The following MYH7 variants were observed in gnomAD, a reference collection of about 807,000 sequenced individuals.
MYH7 encodes myosin-7.
In MYH7, 129 loss-of-function variants were observed where a neutral mutation model predicts 225.4. That is an observed-to-expected ratio of 0.57 (90% CI 0.50 to 0.66). The LOEUF is 0.66. MYH7 is among the 30% of genes least tolerant of loss of function. The probability of loss-of-function intolerance (pLI) is 0.00; values close to 1 mark genes in which losing one functional copy is unlikely to be tolerated. For missense variants in MYH7, 1,649 were observed against 2,517.0 expected (o/e 0.66, Z 7.38); for synonymous variants, 971 against 1,007.6 (o/e 0.96, Z 0.69).
intron 14 of MYH7, 75 bp downstream of exon 14, chr14:23,428,880 G>A: frequency 1.2e-6 from 2 of 1,609,334 alleles, no homozygotes; most frequent in South Asian, 1.1e-5. Context: ...GTCCACAGCT[G>A]GCTCTAAGCA....
At position 23,419,310 on chromosome 14, in the gene MYH7, T is replaced by C; in HGVS notation, c.3854-15A>G. The C allele has an allele frequency of 6.2e-7, 1 of 1,614,062 alleles. No individual in the cohort carries two copies. Among genetic ancestry groups the C allele is most frequent in the Non-Finnish European group, 8.5e-7 (1 of 1,179,938 alleles). On this transcript the variant is annotated splice_polypyrimidine_tract_variant and intron_variant, in intron 28 of 39. Transcript: ENST00000355349. ...GGACAGCTCACCTGGGGAAGCACCA[T>C]TCTAGATCAGCACTCCTCTCTATCC...
At chr14:23,412,988 T>A in intron 39 of MYH7, 117 bp from the exon 40 acceptor site, 1 of 996,268 alleles carries the variant, frequency 1.0e-6, no homozygotes, top group Non-Finnish European at 1.6e-6. Context: ...TGTGGGCAGG[T>A]GGAAGCCCCT....
At chr14:23,430,462 A>T in intron 11 of MYH7, 98 bp downstream of exon 11, 2 of 985,854 alleles carry the variant, frequency 2.0e-6, no homozygotes, top group Non-Finnish European at 3.2e-6. Context: ...ATACCACTTT[A>T]AACAACCAAT....
Position 23,424,080 on chromosome 14 carries a change from C to T in MYH7, c.2749G>A (p.Ala917Thr), listed in dbSNP as rs769169704. The change falls in exon 23 of 40, where the codon GCC becomes ACC. Residue 917 changes from alanine to threonine, a missense_variant. By Grantham distance (58) the Ala-to-Thr change is moderately conservative (BLOSUM62 0). Around this residue, in one of 12 missense-constraint regions of MYH7, gnomAD observed 282 missense variants for 315.3 expected, o/e 0.89. Coordinates refer to ENST00000355349, the MANE Select transcript of MYH7 (RefSeq NM_000257.4). The part of the protein sequence containing the change: ...QLIKNKIQLE[A>T]KVKEMNERLE... ...CTCTCGTTCATCTCCTTCACCTTGG[C>T]CTCCAGCTGAATCTTGTTTTTGATC... 1.2e-6 allele frequency: 2 copies of T among 1,614,242 alleles called. No homozygotes were observed. Among genetic ancestry groups the T allele is most frequent in the Non-Finnish European group, 1.7e-6 (2 of 1,180,048 alleles).
intron 25 of MYH7, chr14:23,421,736 G>A: frequency 1.0e-6 from 1 of 985,288 alleles, no homozygotes. Flanking sequence ...CACAAGTTAA[G>A]CAAAACAAAG....
At chr14:23,417,352 C>T in intron 31 of MYH7, 34 bp from the exon 32 acceptor site, 1 of 1,612,614 alleles carries the variant, frequency 6.2e-7, no homozygotes, top group Non-Finnish European at 8.5e-7. Flanking sequence ...TTCAGCCCCC[C>T]AGCCTCAGCC....
In MYH7 at chr14:23,432,906, C is replaced by T. The variant is rs45540540; in HGVS notation, c.346-111G>A. The T allele has an allele frequency of 8.1e-3, 12,289 of 1,520,956 alleles. 66 individuals carry two copies. Among genetic ancestry groups the T allele is most frequent in the Non-Finnish European group, 9.8e-3 (10,889 of 1,106,732 alleles). The allele number at this position is 1,520,956 out of a possible 1,614,324, so 94.2% of individuals were successfully genotyped here. ...GAAAGAAGAGAAAGGAAAACCTCTGCATGCACTCAATCTGAGTAATGCCAG... is the reference window on the plus strand; with the variant it reads ...GAAAGAAGAGAAAGGAAAACCTCTGTATGCACTCAATCTGAGTAATGCCAG... On this transcript the variant is annotated intron_variant, in intron 4 of 39. Coordinates refer to ENST00000355349, the MANE Select transcript of MYH7 (RefSeq NM_000257.4).
rs1566521500 is a variant in MYH7, at chr14:23,413,908, A to T, written c.5656-15T>A. ...GCTTGCTCCTCCTGCGGGAGGTGGGAGCATGAGGTGAGAGGGGGCCTGGGT... is the reference window on the plus strand; with the variant it reads ...GCTTGCTCCTCCTGCGGGAGGTGGGTGCATGAGGTGAGAGGGGGCCTGGGT... On this transcript the variant is annotated splice_polypyrimidine_tract_variant and intron_variant, in intron 38 of 39. Transcript: ENST00000355349. 6.2e-7 allele frequency: 1 copy of T among 1,614,110 alleles called. No homozygotes were observed. The highest frequency in any genetic ancestry group is 1.7e-5 in the Admixed American group (1 of 60,020).
chr14:23,422,767 A>C (rs1937900614), intron 24 of MYH7, among the ~76,000 whole-genome samples: 1 of 151,634 alleles, frequency 6.6e-6, no homozygotes, highest in Non-Finnish European at 1.5e-5. Flanking sequence ...AGTAGCTGGG[A>C]CTACAGGCGC....
Position 23,417,438 on chromosome 14 carries a change from C to T in MYH7, c.4353+65G>A, listed in dbSNP as rs1165881908. The T allele has an allele frequency of 1.1e-5, 17 of 1,612,064 alleles. No individual in the cohort carries two copies. In the East Asian group the frequency reaches 3.8e-4, roughly 36 times the overall value. On this transcript the variant is annotated intron_variant, in intron 31 of 39. Transcript: ENST00000355349. ...CACCTCCAAGGAGGATGGCTCTGGC[C>T]TCTCACTGAACCCCTCATGCCCCCT...
chr14:23,417,144 C>G lies in MYH7; in HGVS notation c.4519+9G>C, dbSNP rs2138645065. ...AGCCCCTCCCCAGCCTCTTGGGCCC[C>G]CAGCACACCCTGCAGGTTTTTGTTC... On this transcript the variant is annotated intron_variant, in intron 32 of 39. Coordinates refer to ENST00000355349, the MANE Select transcript of MYH7 (RefSeq NM_000257.4). 5 of 1,614,170 alleles carry G rather than the reference C, an allele frequency of 3.1e-6. No individual in the cohort carries two copies. Among genetic ancestry groups the G allele is most frequent in the Non-Finnish European group, 4.2e-6 (5 of 1,180,022 alleles).
chr14:23,415,183 T>G lies in MYH7; in HGVS notation c.5371A>C (p.Lys1791Gln), dbSNP rs1362660967. Residue 1791 changes from lysine to glutamine, a missense_variant, in exon 37 of 40, where the codon AAG becomes CAG. Lys to Gln is a moderately conservative substitution (Grantham distance 53, BLOSUM62 1). This residue lies in a region of MYH7 where 687 missense variants were observed against 913.8 expected (regional missense o/e 0.75). Transcript: ENST00000355349. The surrounding 1 kb of genome is among the most constrained non-coding windows in gnomAD (Gnocchi z 6.3). ...RMKKNMEQTI[K>Q]DLQHRLDEAE... ...TCGTCCAGCCGGTGCTGCAGGTCCTTAATGGTCTGTTCCATGTTCTTCTTC... is the reference window on the plus strand; with the variant it reads ...TCGTCCAGCCGGTGCTGCAGGTCCTGAATGGTCTGTTCCATGTTCTTCTTC... 6.2e-7 allele frequency: 1 copy of G among 1,614,130 alleles called. No homozygotes were observed. Among genetic ancestry groups the G allele is most frequent in the Non-Finnish European group, 8.5e-7 (1 of 1,180,056 alleles).
chr14:23,432,727 C>G lies in MYH7; in HGVS notation c.414G>C (p.Val138=). Residue 138 remains valine (V), a synonymous_variant, in exon 5 of 40, where the codon GTG becomes GTC. Coordinates refer to ENST00000355349, the MANE Select transcript of MYH7 (RefSeq NM_000257.4). ...TCTTCTTGCCCCGGTAGGCAGCCAC[C>G]ACCTCAGGAGTGTACACCGGCAGCC... is the stretch of plus-strand genomic sequence containing the variant. ...YKWLPVYTPE[V]VAAYRGKKRS... is the part of the protein sequence containing the mutation. 1 of 1,614,154 alleles carries G rather than the reference C, an allele frequency of 6.2e-7. No individual in the cohort carries two copies. Among genetic ancestry groups the G allele is most frequent in the East Asian group, 2.2e-5 (1 of 44,870 alleles).
Position 23,416,972 on chromosome 14 carries a change from C to T in MYH7, c.4540G>A (p.Glu1514Lys), listed in dbSNP as rs397516223. ...GTCTTTCCGCTGGAACCCAACTGCT[C>T]AGTCAAGTCGGAGATCTCCTCTGTG... is the stretch of plus-strand genomic sequence containing the variant. ...NLQEEISDLT[E>K]QLGSSGKTIH... The change falls in exon 33 of 40, where the codon GAG becomes AAG. Residue 1514 changes from glutamate to lysine, a missense_variant. Transcript: ENST00000355349. 6.2e-7 allele frequency: 1 copy of T among 1,614,222 alleles called. No individual in the cohort carries two copies. The highest frequency in any genetic ancestry group is 1.1e-5 in the South Asian group (1 of 91,078).
Position 23,417,198 on chromosome 14 carries a change from G to A in MYH7, c.4474C>T (p.Leu1492=). Residue 1492 remains leucine (L), a synonymous_variant, in exon 32 of 40, where the codon CTG becomes TTG. Transcript: ENST00000355349. ...CGCTTGAAGGTCTCCAGATGTTCCA[G>A]GGACTCCTCATAGGCGTTCTTGAGT... The part of the protein sequence containing the change: ...FKLKNAYEES[L]EHLETFKREN... The A allele has an allele frequency of 6.2e-7, 1 of 1,614,178 alleles. No individual in the cohort carries two copies. Among genetic ancestry groups the A allele is most frequent in the Non-Finnish European group, 8.5e-7 (1 of 1,180,024 alleles).
Position 23,426,862 on chromosome 14 carries a change from T to C in MYH7, c.1959A>G (p.Glu653=). 1 of 1,613,918 alleles carries C rather than the reference T, an allele frequency of 6.2e-7. No homozygotes were observed. Among genetic ancestry groups the C allele is most frequent in the South Asian group, 1.1e-5 (1 of 91,068 alleles). The stretch of plus-strand genomic sequence containing the variant: ...AGTTGGTCATCAGCTTGTTCAGATT[T>C]TCCTGTGGCCAAAAATGCAATAGAG... ...SFQTVSALHR[E]NLNKLMTNLR... is the part of the protein sequence containing the mutation. The change falls in exon 18 of 40, where the codon GAA becomes GAG. Residue 653 remains glutamate, a splice_region_variant and synonymous_variant. Coordinates refer to ENST00000355349, the MANE Select transcript of MYH7 (RefSeq NM_000257.4).
intron 31 of MYH7, 23 bp downstream of exon 31, chr14:23,417,479 CT>C (rs1733994063): frequency 7.4e-6 from 12 of 1,612,176 alleles, no homozygotes; most frequent in Non-Finnish European, 1.0e-5. Flanking sequence ...TGCATGCTGG[CT>C]GCGGCCCCCA....
In MYH7 at chr14:23,412,775, C is replaced by G; in HGVS notation, c.*79G>C. 1 of 1,544,528 alleles carries G rather than the reference C, an allele frequency of 6.5e-7. No individual in the cohort carries two copies. Among genetic ancestry groups the G allele is most frequent in the African/African-American group, 1.4e-5 (1 of 73,490 alleles). On this transcript the variant is annotated 3_prime_UTR_variant, in exon 40 of 40. Coordinates refer to ENST00000355349, the MANE Select transcript of MYH7 (RefSeq NM_000257.4). The stretch of plus-strand genomic sequence containing the variant: ...GGAAAATTGCTTTATTCTGCTTCCT[C>G]CCAAGGAGCTGTTACACAGGCTCCA...
intron 24 of MYH7, 39 bp downstream of exon 24, chr14:23,423,508 C>T: frequency 6.3e-7 from 1 of 1,598,482 alleles, no homozygotes. Flanking sequence ...CACAGATAGA[C>T]ATGGCATATC....
Sources: gnomAD v4.1 joint callset for allele counts (sites outside exome capture counted in the v4.1 genomes callset) on GRCh38, gnomAD v4.1.1 for gene constraint, gnomAD v4.1.1 regional missense constraint, Gnocchi (gnomAD v3.1) non-coding constraint, MANE v1.5 for transcripts, NCBI Gene and HGNC (gene_info 2026-07-23, HGNC 2026-07-21) for gene names.